ADCY10: variants seen among roughly 807,000 people sequenced by gnomAD.
The protein encoded by ADCY10 is adenylate cyclase 10.
ADCY10 carries 156 observed loss-of-function variants against 183.3 expected under a neutral mutation model. The ratio of observed to expected loss-of-function variants is 0.85; its 90% CI spans 0.75 to 0.97. The LOEUF (loss-of-function observed/expected upper bound fraction) is 0.97, where lower values mean the gene tolerates loss of function less well. Among genes scored for constraint, ADCY10 ranks in the 50% least tolerant of loss-of-function variants. ADCY10 has a pLI of 0.00. For synonymous variants in ADCY10, 645 were observed against 670.0 expected (o/e 0.96, Z 0.58); for missense variants, 1,745 against 1,934.3 (o/e 0.90, Z 1.84).
At chr1:167,838,317 A>C (rs1485697185) in intron 21 of ADCY10, among the ~76,000 whole-genome samples, 1 of 150,398 alleles carries the variant, frequency 6.6e-6, no homozygotes, top group Non-Finnish European at 1.5e-5. Context: ...TTCCTTAGTG[A>C]CTAGCAGCTG....
At chr1:167,871,665 A>C (rs1488467690) in intron 13 of ADCY10, among the ~76,000 whole-genome samples, 1 of 152,276 alleles carries the variant, frequency 6.6e-6, no homozygotes, top group Non-Finnish European at 1.5e-5. Context: ...AGAACAAATA[A>C]ATATCCAGGT....
intron 31 of ADCY10, among the ~76,000 whole-genome samples, chr1:167,816,221 A>T (rs1662521237): frequency 6.6e-6 from 1 of 152,144 alleles, no homozygotes; most frequent in African/African-American, 2.4e-5. Context: ...ACACATAGGC[A>T]TATAATTTGT....
chr1:167,824,616 A>G (rs1405155352), intron 27 of ADCY10, 35 bp downstream of exon 27: 2 of 1,613,706 alleles, frequency 1.2e-6, no homozygotes, highest in Non-Finnish European at 1.7e-6. Flanking sequence ...CATTCCTTGT[A>G]TCCTCATGTC....
rs1011402093 is a variant in ADCY10, at chr1:167,904,004, T to C, written c.149-13A>G. 3 of 1,591,126 alleles carry C rather than the reference T, an allele frequency of 1.9e-6. No homozygotes were observed. Among genetic ancestry groups the C allele is most frequent in the African/African-American group, 2.7e-5 (2 of 74,368 alleles). ...ATTGCAGTAAAACCTGGAATAAATG[T>C]GCAGCTGGTTTCCTTGGCTGCTTGG... On this transcript the variant is annotated splice_polypyrimidine_tract_variant and intron_variant, in intron 2 of 32. Coordinates refer to ENST00000367851, the MANE Select transcript of ADCY10 (RefSeq NM_018417.6).
At position 167,864,473 on chromosome 1, in the gene ADCY10, A is replaced by C. The variant is rs370771619; in HGVS notation, c.1617-3410T>G. Reference sequence around the variant, plus strand: ...CAAGGTAACCTGTAAGCCAAGGCACACAGACCAGTTTCTGTACGTAGACAA... The same window carrying C: ...CAAGGTAACCTGTAAGCCAAGGCACCCAGACCAGTTTCTGTACGTAGACAA... On this transcript the variant is annotated intron_variant, in intron 14 of 32. Coordinates refer to ENST00000367851, the MANE Select transcript of ADCY10 (RefSeq NM_018417.6). Among the ~76,000 whole-genome samples the C allele has an allele frequency of 4.1e-4, 62 of 152,290 alleles. No individual in the cohort carries two copies. The South Asian group carries it at 7.3e-3, about 18-fold the overall frequency.
rs768008239 is a variant in ADCY10 at position 167,860,922 on chromosome 1, T to C, written c.1758A>G (p.Thr586=). The change falls in exon 15 of 33, where the codon ACA becomes ACG. Residue 586 remains threonine (T), a synonymous_variant. Coordinates refer to ENST00000367851, the MANE Select transcript of ADCY10 (RefSeq NM_018417.6). ...RQTNLRNKVM[T]LLDEKFYCLL... is the part of the protein sequence containing the mutation. ...GACAGTAGAACTTTTCATCCAACAG[T>C]GTCATGACTTTATTTCGAAGGTTGG... 1.2e-6 allele frequency: 2 copies of C among 1,614,148 alleles called. No homozygotes were observed. The highest frequency in any genetic ancestry group is 1.7e-6 in the Non-Finnish European group (2 of 1,180,020).
chr1:167,820,797 T>A (rs9661705), intron 30 of ADCY10: 25,725 of 152,000 alleles, frequency 0.17, 2,353 homozygotes, highest in African/African-American at 0.23. Context: ...TAGCCAGGCG[T>A]GGTGGTATGT....
intron 8 of ADCY10, among the ~76,000 whole-genome samples, chr1:167,891,573 A>G (rs545015692): frequency 2.7e-5 from 4 of 150,924 alleles, no homozygotes; most frequent in African/African-American, 7.3e-5. Flanking sequence ...GGAGAATGGC[A>G]TGAACCCGGG....
rs756991569 is a variant in ADCY10 at position 167,875,178 on chromosome 1, C to A, written c.1415G>T (p.Gly472Val). Residue 472 changes from glycine (G) to valine (V), a missense_variant, in exon 13 of 33, where the codon GGT (glycine) becomes GTT (valine). Transcript: ENST00000367851. The part of the protein sequence containing the change: ...YWGRTEKVMF[G>V]MACLICNRKE... ...TCTGTTGCAGATGAGGCACGCCATACCAAACATGCTGAAGAGAAGAACAAA... is the reference window on the plus strand; with the variant it reads ...TCTGTTGCAGATGAGGCACGCCATAACAAACATGCTGAAGAGAAGAACAAA... 4.0e-5 allele frequency: 64 copies of A among 1,614,030 alleles called. No individual in the cohort carries two copies. The Admixed American group carries it at 1.0e-3, about 26-fold the overall frequency.
At chr1:167,906,380 T>G (rs1228752493) in intron 1 of ADCY10, among the ~76,000 whole-genome samples, 1 of 148,088 alleles carries the variant, frequency 6.8e-6, no homozygotes, top group Non-Finnish European at 1.5e-5. Flanking sequence ...AAAAAAAGGG[T>G]AGCATTAAAA....
At chr1:167,846,631 C>T (rs1665049808) in intron 19 of ADCY10, among the ~76,000 whole-genome samples, 1 of 152,298 alleles carries the variant, frequency 6.6e-6, no homozygotes, top group South Asian at 2.1e-4. Context: ...GCTTTGTTGA[C>T]TTCCTCAGCT....
At chr1:167,816,612 A>T (rs1010544625) in intron 31 of ADCY10, among the ~76,000 whole-genome samples, 1 of 152,180 alleles carries the variant, frequency 6.6e-6, no homozygotes, top group Non-Finnish European at 1.5e-5. Context: ...ACAACAACAA[A>T]AAAAGAATTG....
rs111986730 is a variant in ADCY10, at chr1:167,823,444, A to G, written c.4053-321T>C. 6.7e-3 allele frequency among the ~76,000 whole-genome samples: 1,006 copies of G among 149,800 alleles called. 10 individuals carry two copies. Among genetic ancestry groups the G allele is most frequent in the African/African-American group, 0.017 (694 of 40,494 alleles). Reference sequence around the variant, plus strand: ...CATCTCAAAAAAAAAAAAAAAAAAAAGCAGTGGATATAATGGACTTTGGGG... The same window carrying G: ...CATCTCAAAAAAAAAAAAAAAAAAAGGCAGTGGATATAATGGACTTTGGGG... On this transcript the variant is annotated intron_variant, in intron 28 of 32. Transcript: ENST00000367851.
rs766688140 is a variant in ADCY10, at chr1:167,810,933, A to G, written c.4483-20T>C. 1.9e-6 allele frequency: 3 copies of G among 1,612,840 alleles called. No individual in the cohort carries two copies. The highest frequency in any genetic ancestry group is 2.5e-6 in the Non-Finnish European group (3 of 1,178,896). ...CAAGTTCTAAAGAAAAAAAACCCACAACAGTATATTAGAATTAAACAGGGG... is the reference window on the plus strand; with the variant it reads ...CAAGTTCTAAAGAAAAAAAACCCACGACAGTATATTAGAATTAAACAGGGG... On this transcript the variant is annotated intron_variant, in intron 31 of 32. Transcript: ENST00000367851.
chr1:167,843,291 C>G (rs552451899), intron 21 of ADCY10, among the ~76,000 whole-genome samples: 1 of 152,236 alleles, frequency 6.6e-6, no homozygotes, highest in African/African-American at 2.4e-5. Flanking sequence ...CTTATTTTAT[C>G]CCCCAAAATA....
chr1:167,896,892 T>C (rs1344349437), intron 6 of ADCY10, among the ~76,000 whole-genome samples: 1 of 152,196 alleles, frequency 6.6e-6, no homozygotes, highest in Non-Finnish European at 1.5e-5. Context: ...TTCACTCACA[T>C]CTCAATGTTT....
intron 26 of ADCY10, among the ~76,000 whole-genome samples, 156 bp from the exon 27 acceptor site, chr1:167,825,011 G>A (rs1663177530): frequency 6.6e-6 from 1 of 152,204 alleles, no homozygotes; most frequent in Admixed American, 6.5e-5. Context: ...AAATCAAATT[G>A]GGTTTCTGCT....
chr1:167,844,961 A>G lies in ADCY10; in HGVS notation c.3007+602T>C, dbSNP rs1272059116. Among the ~76,000 whole-genome samples the G allele has an allele frequency of 2.6e-5, 4 of 152,112 alleles. No individual in the cohort carries two copies. The East Asian group carries it at 7.7e-4, about 29-fold the overall frequency. Reference sequence around the variant, plus strand: ...ACACCCATCATGCCCATAGTGACTGAGTCTTTGGGTCCTTACACCCCCTGA... The same window carrying G: ...ACACCCATCATGCCCATAGTGACTGGGTCTTTGGGTCCTTACACCCCCTGA... On this transcript the variant is annotated intron_variant, in intron 21 of 32. Coordinates refer to ENST00000367851, the MANE Select transcript of ADCY10 (RefSeq NM_018417.6).
At chr1:167,889,140 T>A (rs2102321798) in intron 8 of ADCY10, among the ~76,000 whole-genome samples, 1 of 152,328 alleles carries the variant, frequency 6.6e-6, no homozygotes, top group East Asian at 1.9e-4. Context: ...AAAGTGGGCA[T>A]CCTTGTGTTC....
Sources: gnomAD v4.1 joint callset for allele counts (sites outside exome capture counted in the v4.1 genomes callset) on GRCh38, gnomAD v4.1.1 for gene constraint, MANE v1.5 for transcripts, NCBI Gene and HGNC (gene_info 2026-07-23, HGNC 2026-07-21) for gene names.